The following TAF1A variants were observed in gnomAD, a reference collection of about 807,000 sequenced individuals.
TAF1A encodes the protein TATA-box binding protein associated factor, RNA polymerase I subunit A.
Under a neutral mutation model 61.6 loss-of-function variants are expected in TAF1A, and 42 were observed. The ratio of observed to expected loss-of-function variants is 0.68; its 90% CI spans 0.53 to 0.88. The LOEUF (loss-of-function observed/expected upper bound fraction) is 0.88. Among genes scored for constraint, TAF1A ranks in the 40% least tolerant of loss-of-function variants. The pLI, the probability that TAF1A is intolerant of heterozygous loss-of-function variation, is 0.00. For synonymous variants in TAF1A, 179 were observed against 177.7 expected (o/e 1.01, Z -0.06); for missense variants, 424 against 518.7 (o/e 0.82, Z 1.77).
At chr1:222,586,007 T>A (rs1006439625) in intron 2 of TAF1A, among the ~76,000 whole-genome samples, 1 of 152,128 alleles carries the variant, frequency 6.6e-6, no homozygotes, top group African/African-American at 2.4e-5. Flanking sequence ...TAGTACTCAA[T>A]TTTTCAGAAA....
intron 10 of TAF1A, among the ~76,000 whole-genome samples, chr1:222,560,715 T>C (rs1295053697): frequency 6.6e-6 from 1 of 152,238 alleles, no homozygotes; most frequent in Non-Finnish European, 1.5e-5. Context: ...TTAAGCTCCC[T>C]AGCAATGGAC....
downstream of TAF1A, among the ~76,000 whole-genome samples, chr1:222,557,384 G>C (rs1315637604): frequency 6.6e-6 from 1 of 152,132 alleles, no homozygotes; most frequent in Admixed American, 6.5e-5. Context: ...TCCCACCGGT[G>C]AGTTTCCTCC....
At chr1:222,570,800 A>C (rs1660320859) in intron 5 of TAF1A, 135 bp from the exon 6 acceptor site, 1 of 787,684 alleles carries the variant, frequency 1.3e-6, no homozygotes. Context: ...AAATATTTAA[A>C]GGAAAATACT....
intron 5 of TAF1A, among the ~76,000 whole-genome samples, chr1:222,574,000 T>A (rs937333682): frequency 7.2e-6 from 1 of 138,470 alleles, no homozygotes; most frequent in African/African-American, 2.7e-5. Flanking sequence ...AAAAAAAAAA[T>A]TATGCTAAGT....
intron 4 of TAF1A, among the ~76,000 whole-genome samples, chr1:222,577,989 G>A (rs1276277433): frequency 2.0e-5 from 3 of 152,088 alleles, no homozygotes; most frequent in Non-Finnish European, 2.9e-5. Flanking sequence ...TTTGTTTTAC[G>A]GAACATTACT....
At chr1:222,569,245 C>A in intron 7 of TAF1A, 1 of 1,269,468 alleles carries the variant, frequency 7.9e-7, no homozygotes, top group South Asian at 1.9e-5. Context: ...AGTTGATTTT[C>A]AAAAAATATC....
chr1:222,569,443 A>G (rs746604854), intron 7 of TAF1A, 67 bp downstream of exon 7: 2 of 1,612,592 alleles, frequency 1.2e-6, no homozygotes, highest in Non-Finnish European at 1.7e-6. Flanking sequence ...GTTAGAAAGC[A>G]ATGGCCTAAG....
downstream of TAF1A, among the ~76,000 whole-genome samples, chr1:222,557,304 T>G (rs1659742353): frequency 6.6e-6 from 1 of 152,202 alleles, no homozygotes; most frequent in Non-Finnish European, 1.5e-5. Context: ...CAGCTCATGT[T>G]CCAGGAAAGT....
intron 7 of TAF1A, chr1:222,569,202 T>A: frequency 8.9e-7 from 1 of 1,120,462 alleles, no homozygotes. Context: ...TTAAAATAAG[T>A]GTGTTTACTC....
chr1:222,574,003 T>A (rs767213005), intron 5 of TAF1A, among the ~76,000 whole-genome samples: 1 of 150,978 alleles, frequency 6.6e-6, no homozygotes, highest in Non-Finnish European at 1.5e-5. Context: ...AAAAAAATTA[T>A]GCTAAGTAAA....
downstream of TAF1A, among the ~76,000 whole-genome samples, chr1:222,555,715 A>G (rs772848814): frequency 5.9e-5 from 9 of 152,184 alleles, no homozygotes; most frequent in Non-Finnish European, 1.2e-4. Flanking sequence ...CTCATCACAC[A>G]TACATACACA....
Position 222,558,710 on chromosome 1 carries a change from G to A in TAF1A, c.1303C>T (p.Arg435Trp), listed in dbSNP as rs376662321. 39 of 1,575,412 alleles carry A rather than the reference G, an allele frequency of 2.5e-5. No individual in the cohort carries two copies. The highest frequency in any genetic ancestry group is 5.5e-5 in the Admixed American group (3 of 54,876). Reference sequence around the variant, plus strand: ...TATTTTTTCACAGATCTCTTCATCCGCTTAATTTTCTTCCCTAAGATTTGG... The same window carrying A: ...TATTTTTTCACAGATCTCTTCATCCACTTAATTTTCTTCCCTAAGATTTGG... Reference protein sequence around the residue: ...DHQILGKKIKRMKRSVKKYSI... With the variant: ...DHQILGKKIKWMKRSVKKYSI... The change falls in exon 11 of 11, where the codon CGG becomes TGG. Residue 435 changes from arginine to tryptophan, a missense_variant. By Grantham distance (101) the Arg-to-Trp change is moderately radical. Transcript: ENST00000352967.
rs1659915247 is a variant in TAF1A, at chr1:222,561,511, G to A, written c.1093C>T (p.Leu365Phe). 8.2e-6 allele frequency: 13 copies of A among 1,588,640 alleles called. No individual in the cohort carries two copies. The highest frequency in any genetic ancestry group is 1.4e-5 in the African/African-American group (1 of 73,514). ...YLKNILMGNH[L>F]AWVQEEWNSR... ...TTCCACTCTTCTTGAACCCACGCAA[G>A]GTGGTTTCTGGAAAAGAAAAATGTC... is the stretch of plus-strand genomic sequence containing the variant. Residue 365 changes from leucine (L) to phenylalanine (F), a missense_variant, in exon 10 of 11, where the codon CTT becomes TTT. Coordinates refer to ENST00000352967, the MANE Select transcript of TAF1A (RefSeq NM_005681.4).
chr1:222,579,962 T>C, intron 3 of TAF1A, 90 bp from the exon 4 acceptor site: 1 of 1,443,038 alleles, frequency 6.9e-7, no homozygotes, highest in South Asian at 1.4e-5. Flanking sequence ...ACAACATTAA[T>C]AACCTGTGAT....
intron 3 of TAF1A, among the ~76,000 whole-genome samples, chr1:222,580,441 C>T (rs543602835): frequency 3.0e-4 from 45 of 152,232 alleles, no homozygotes; most frequent in Non-Finnish European, 4.7e-4. Flanking sequence ...ACTTGGAGCT[C>T]TTTTTTCATG....
chr1:222,568,537 G>A (rs1190152363), intron 7 of TAF1A, among the ~76,000 whole-genome samples: 1 of 152,120 alleles, frequency 6.6e-6, no homozygotes, highest in Non-Finnish European at 1.5e-5. Context: ...TAGTCATTAG[G>A]GAAATACAAT....
chr1:222,572,973 G>C (rs1558147694), intron 5 of TAF1A, among the ~76,000 whole-genome samples: 1 of 152,292 alleles, frequency 6.6e-6, no homozygotes, highest in East Asian at 1.9e-4. Flanking sequence ...ACACCATCAA[G>C]ATAGTGAAAA....
rs777219064 is a variant in TAF1A at position 222,589,869 on chromosome 1, G to T, written c.-145C>A. ...TGGTTTAGGTATTTAGGCAGCGCGC[G>T]GCCCGGCTCGTAACTCCTCCTGCTG... On this transcript the variant is annotated 5_prime_UTR_variant, in exon 1 of 11. Coordinates refer to ENST00000352967, the MANE Select transcript of TAF1A (RefSeq NM_005681.4). The T allele has an allele frequency of 2.5e-6, 1 of 395,032 alleles. No homozygotes were observed. The highest frequency in any genetic ancestry group is 4.5e-6 in the Non-Finnish European group (1 of 224,344). 24.5% of individuals were successfully genotyped at this position (395,032 alleles called of 1,614,324 possible). A position where few individuals can be genotyped will look rare whatever the true frequency, so the allele number is the denominator to read the frequency against.
intron 1 of TAF1A, 35 bp from the exon 2 acceptor site, chr1:222,588,600 C>T (rs199838761): frequency 3.7e-6 from 6 of 1,601,586 alleles, no homozygotes; most frequent in African/African-American, 1.3e-5. Flanking sequence ...ACTTTCTGTA[C>T]ATCTTAATCC....
Sources: gnomAD v4.1 joint callset for allele counts (sites outside exome capture counted in the v4.1 genomes callset) on GRCh38, gnomAD v4.1.1 for gene constraint, MANE v1.5 for transcripts, NCBI Gene and HGNC (gene_info 2026-07-23, HGNC 2026-07-21) for gene names.